The following IGSF22 variants were observed in gnomAD, a reference collection of about 807,000 sequenced individuals.
IGSF22 encodes the protein immunoglobulin superfamily member 22, also known as immunoglobulin superfamily, member 22.
Under a neutral mutation model 127.0 loss-of-function variants are expected in IGSF22, and 119 were observed. That is an observed-to-expected ratio of 0.94 (90% CI 0.81 to 1.09). The LOEUF is 1.09. Ranked by LOEUF, IGSF22 falls within the 50% of genes least tolerant of loss-of-function variation. The pLI, the probability that IGSF22 is intolerant of heterozygous loss-of-function variation, is 0.00. For synonymous variants in IGSF22, 568 were observed against 664.7 expected (o/e 0.85, Z 2.24); for missense variants, 1,518 against 1,716.6 (o/e 0.88, Z 2.04).
chr11:18,720,738 C>T (rs1464707809), intron 4 of IGSF22, among the ~76,000 whole-genome samples: 2 of 152,174 alleles, frequency 1.3e-5, no homozygotes, highest in East Asian at 3.9e-4. Context: ...CTCTCAGAAG[C>T]CAAGGCTCTC....
intron 12 of IGSF22, 36 bp downstream of exon 12, chr11:18,714,464 C>T: frequency 6.2e-7 from 1 of 1,612,256 alleles, no homozygotes; most frequent in Non-Finnish European, 8.5e-7. Context: ...GCCAGGTCTA[C>T]CTCCTTCACC....
At chr11:18,711,695 G>C (rs1381877124) in intron 15 of IGSF22, among the ~76,000 whole-genome samples, 4 of 152,188 alleles carry the variant, frequency 2.6e-5, no homozygotes, top group Non-Finnish European at 5.9e-5. Context: ...ACTGTGCCCA[G>C]CCTGCAATTA....
At chr11:18,715,328 A>T in intron 11 of IGSF22, 104 bp downstream of exon 11, 1 of 1,198,406 alleles carries the variant, frequency 8.3e-7, no homozygotes, top group Non-Finnish European at 1.2e-6. Context: ...GTCATGGTCT[A>T]CAGGAGGGTT....
intron 21 of IGSF22, chr11:18,706,458 C>A: frequency 2.2e-6 from 1 of 446,504 alleles, no homozygotes; most frequent in Non-Finnish European, 4.0e-6. Flanking sequence ...CCTTTAACTC[C>A]GCCTCCAAGC....
In IGSF22 at chr11:18,719,772, C is replaced by G. The variant is rs199982292; in HGVS notation, c.640G>C (p.Asp214His). ...AGCTTCCTGAGCAGCCCCCGAAAGT[C>G]GGTGAAACCATACTCCATGCACACC... ...EKVCMEYGFTDFRGLLRKLKE... is the reference protein window; with the variant it reads ...EKVCMEYGFTHFRGLLRKLKE... The change falls in exon 7 of 23, where the codon GAC (aspartate) becomes CAC (histidine). Residue 214 changes from aspartate to histidine, a missense_variant. Coordinates refer to ENST00000513874, the MANE Select transcript of IGSF22 (RefSeq NM_173588.4). The G allele has an allele frequency of 6.2e-7, 1 of 1,614,080 alleles. No homozygotes were observed. Among genetic ancestry groups the G allele is most frequent in the Admixed American group, 1.7e-5 (1 of 60,012 alleles).
In IGSF22 at chr11:18,722,699, C is replaced by T. The variant is rs541908142; in HGVS notation, c.110-658G>A. 3.9e-5 allele frequency among the ~76,000 whole-genome samples: 6 copies of T among 152,360 alleles called. No individual in the cohort carries two copies. The East Asian group carries it at 1.2e-3, about 29-fold the overall frequency. ...GAGTTATCAATTCACAACAATTGCTCTGAATCATGGAACACTTTCCTTGAG... is the reference window on the plus strand; with the variant it reads ...GAGTTATCAATTCACAACAATTGCTTTGAATCATGGAACACTTTCCTTGAG... On this transcript the variant is annotated intron_variant, in intron 2 of 22. Transcript: ENST00000513874.
intron 3 of IGSF22, 88 bp from the exon 4 acceptor site, chr11:18,721,759 A>G: frequency 6.3e-7 from 1 of 1,593,734 alleles, no homozygotes; most frequent in Non-Finnish European, 8.6e-7. Flanking sequence ...CTCCTCCCAG[A>G]CACCTGGGCC....
intron 3 of IGSF22, 90 bp downstream of exon 3, chr11:18,721,820 A>T (rs1483321499): frequency 6.6e-5 from 105 of 1,592,878 alleles, no homozygotes; most frequent in Non-Finnish European, 8.6e-5. Context: ...AGGGTTTAGC[A>T]TTGGAGGTCG....
rs1020996789 is a variant in IGSF22 at position 18,716,391 on chromosome 11, G to C, written c.1246+337C>G. On this transcript the variant is annotated intron_variant, in intron 10 of 22. Transcript: ENST00000513874. The surrounding 1 kb of genome is among the most constrained non-coding windows in gnomAD (Gnocchi z 4.5). The stretch of plus-strand genomic sequence containing the variant: ...AACTCCCAAAGTAGTTGTGATAGCA[G>C]AATGTAAGTAGTCCAGAGTGACACA... 1.3e-5 allele frequency among the ~76,000 whole-genome samples: 2 copies of C among 152,290 alleles called. No homozygotes were observed. Among genetic ancestry groups the C allele is most frequent in the East Asian group, 3.9e-4 (2 of 5,184 alleles).
At chr11:18,719,235 C>T (rs1290057086) in intron 7 of IGSF22, among the ~76,000 whole-genome samples, 3 of 152,142 alleles carry the variant, frequency 2.0e-5, no homozygotes, top group Non-Finnish European at 2.9e-5. Flanking sequence ...ACCTCCACCT[C>T]CTGGGTTCAA....
In IGSF22 at chr11:18,707,863, C is replaced by A. The variant is rs760038093; in HGVS notation, c.3221G>T (p.Arg1074Leu). Reference protein sequence around the residue: ...STKRSDSGVYRILLQNEFGEA... With the variant: ...STKRSDSGVYLILLQNEFGEA... ...TCCAAACTCATTCTGAAGCAAGATT[C>A]GGTACACCCCTGAGTCAGAGCGCTT... Residue 1074 changes from arginine (R) to leucine (L), a missense_variant, in exon 20 of 23, where the codon CGA becomes CTA. Transcript: ENST00000513874. The A allele has an allele frequency of 6.2e-7, 1 of 1,613,692 alleles. No individual in the cohort carries two copies. The highest frequency in any genetic ancestry group is 8.5e-7 in the Non-Finnish European group (1 of 1,179,892).
rs567713227 is a variant in IGSF22 at position 18,719,645 on chromosome 11, C to G, written c.696+71G>C. 2.2e-4 allele frequency: 318 copies of G among 1,477,814 alleles called. No individual in the cohort carries two copies. In the African/African-American group the frequency reaches 4.0e-3, roughly 18 times the overall value. 91.5% of individuals were successfully genotyped at this position (1,477,814 alleles called of 1,614,324 possible). ...GGGGAGACCTTCTTGCTGAGAAATA[C>G]ACAGGCACTAGCACTTTGGGTGAAG... On this transcript the variant is annotated intron_variant, in intron 7 of 22. Transcript: ENST00000513874.
chr11:18,707,904 G>A lies in IGSF22; in HGVS notation c.3180C>T (p.Phe1060=). The part of the protein sequence containing the change: ...TITKSKNHSQ[F]LINSTKRSDS... ...CAGAGCGCTTGGTGCTATTAATGAG[G>A]AACTGGGAGTGGTTTTTGCTCTTGG... is the stretch of plus-strand genomic sequence containing the variant. Residue 1060 remains phenylalanine (F), a synonymous_variant, in exon 20 of 23, where the codon TTC becomes TTT. Transcript: ENST00000513874. 1.2e-6 allele frequency: 2 copies of A among 1,614,218 alleles called. No individual in the cohort carries two copies. The highest frequency in any genetic ancestry group is 1.7e-5 in the Admixed American group (1 of 60,030).
intron 1 of IGSF22, 38 bp from the exon 2 acceptor site, chr11:18,724,307 G>A (rs1848618950): frequency 2.0e-6 from 2 of 1,022,018 alleles, no homozygotes; most frequent in Non-Finnish European, 3.1e-6. Context: ...ACAAGACAGG[G>A]AGTAGGAGGG....
chr11:18,721,301 G>A (rs1474618380), intron 4 of IGSF22, among the ~76,000 whole-genome samples: 3 of 152,210 alleles, frequency 2.0e-5, no homozygotes, highest in Non-Finnish European at 2.9e-5. Context: ...CTCTGCCCCT[G>A]CTCTGCTCTG....
Position 18,706,936 on chromosome 11 carries a change from G to A in IGSF22, c.3558C>T (p.Thr1186=). 2.0e-6 allele frequency: 3 copies of A among 1,516,822 alleles called. No homozygotes were observed. The highest frequency in any genetic ancestry group is 1.8e-6 in the Non-Finnish European group (2 of 1,128,216). 94.0% of individuals were successfully genotyped at this position (1,516,822 alleles called of 1,614,324 possible). A position where few individuals can be genotyped will look rare whatever the true frequency, so the allele number is the denominator to read the frequency against. Residue 1186 remains threonine, a synonymous_variant, in exon 21 of 23, where the codon ACC becomes ACT. Transcript: ENST00000513874. ...GDSEPLDSRD[T]WLINKDQIQD... Reference sequence around the variant, plus strand: ...CACTCTGGTCCTTATTGATGAGCCAGGTGTCCCTGGAGTCAAGTGGCTCAC... The same window carrying A: ...CACTCTGGTCCTTATTGATGAGCCAAGTGTCCCTGGAGTCAAGTGGCTCAC...
chr11:18,711,649 C>T (rs940780057), intron 15 of IGSF22, among the ~76,000 whole-genome samples: 7 of 152,196 alleles, frequency 4.6e-5, no homozygotes, highest in East Asian at 3.9e-4. Context: ...CCTCCCACCT[C>T]GGCCTCCCAA....
chr11:18,718,229 A>C (rs762108529), intron 8 of IGSF22, 136 bp from the exon 9 acceptor site: 29 of 774,782 alleles, frequency 3.7e-5, no homozygotes, highest in Non-Finnish European at 5.5e-5. Flanking sequence ...TATGATCTCT[A>C]TAGCCTCATC....
At chr11:18,712,574 G>A (rs1235178408) in intron 14 of IGSF22, among the ~76,000 whole-genome samples, 190 bp from the exon 15 acceptor site, 2 of 152,154 alleles carry the variant, frequency 1.3e-5, no homozygotes, top group Non-Finnish European at 2.9e-5. Context: ...TTGCCCCCGT[G>A]AGTTTCCCAT....
Sources: allele counts gnomAD v4.1 joint callset (sites outside exome capture counted in the v4.1 genomes callset), GRCh38; gene constraint gnomAD v4.1.1; non-coding constraint Gnocchi (gnomAD v3.1); transcripts MANE v1.5; gene names NCBI Gene and HGNC (gene_info 2026-07-23, HGNC 2026-07-21).